Variants in ZNF618 observed in about 807,000 individuals in gnomAD.
ZNF618 encodes neural precursor cell expressed, developmentally down-regulated 10.
A neutral mutation model predicts 103.0 loss-of-function variants in ZNF618; 34 were observed. The observed-to-expected ratio is 0.33, with a 90% CI of 0.25 to 0.44. The LOEUF (loss-of-function observed/expected upper bound fraction) is 0.44. Among genes scored for constraint, ZNF618 ranks in the 20% least tolerant of loss-of-function variants. The pLI is 1.00. For missense variants in ZNF618, 1,059 were observed against 1,295.4 expected, an observed-to-expected ratio of 0.82 and a Z score of 2.80; for synonymous variants, 551 against 542.2, an observed-to-expected ratio of 1.02 and a Z score of -0.23.
intron 2 of ZNF618, among the ~76,000 whole-genome samples, chr9:113,980,850 C>T (rs2133118157): frequency 6.6e-6 from 1 of 152,290 alleles, no homozygotes; most frequent in African/African-American, 2.4e-5. Context: ...GAGAAGGGAC[C>T]ACTGGATTGA....
chr9:113,886,971 CT>C lies in ZNF618; in HGVS notation c.33+10586del, dbSNP rs57000343. Among the ~76,000 whole-genome samples the C allele has an allele frequency of 9.5e-3, 1,043 of 109,272 alleles. 9 individuals carry two copies. The highest frequency in any genetic ancestry group is 0.03 in the African/African-American group (842 of 27,744). 71.7% of individuals were successfully genotyped at this position (109,272 alleles called of 152,430 possible). A position where few individuals can be genotyped will look rare whatever the true frequency, so the allele number is the denominator to read the frequency against. On this transcript the variant is annotated intron_variant, in intron 1 of 14. Transcript: ENST00000374126. ...TTCATTGGTTTCTTTTTACTTTCTA[CT>C]TTTTTTTTTTTTTTTTTTTTTTTTT...
chr9:113,905,416 G>A (rs1830905360), intron 1 of ZNF618, among the ~76,000 whole-genome samples: 1 of 152,160 alleles, frequency 6.6e-6, no homozygotes, highest in African/African-American at 2.4e-5. Context: ...GCCAAATATG[G>A]GGCAAATCAG....
chr9:113,953,887 A>G (rs66526429), intron 1 of ZNF618, among the ~76,000 whole-genome samples: 24,367 of 152,168 alleles, frequency 0.16, 2,479 homozygotes, highest in Admixed American at 0.21. Context: ...ATGACTGAGT[A>G]TAGCAGCCAG....
chr9:114,047,860 C>T lies in ZNF618; in HGVS notation c.1247-33C>T, dbSNP rs201679983. ...GTTCCTCAACAGGCCTCTTACCCTT[C>T]CAGGTAACACACTGTCCCCTTTGTG... On this transcript the variant is annotated intron_variant, in intron 13 of 14. Coordinates refer to ENST00000374126, the MANE Select transcript of ZNF618 (RefSeq NM_001318042.2). The T allele has an allele frequency of 5.8e-5, 91 of 1,556,856 alleles. No homozygotes were observed. In the African/African-American group the frequency reaches 1.2e-3, roughly 20 times the overall value.
At chr9:113,970,618 G>C (rs886706029) in intron 2 of ZNF618, among the ~76,000 whole-genome samples, 1 of 151,918 alleles carries the variant, frequency 6.6e-6, no homozygotes, top group African/African-American at 2.4e-5. Flanking sequence ...TGCAACTGCT[G>C]TTCCCTGTGT....
chr9:113,928,566 G>A (rs1219435692), intron 1 of ZNF618, among the ~76,000 whole-genome samples: 1 of 152,174 alleles, frequency 6.6e-6, no homozygotes, highest in Non-Finnish European at 1.5e-5. Context: ...TGTTTATGTG[G>A]CTAGGAACTG....
chr9:114,049,786 G>T lies in ZNF618; in HGVS notation c.2484G>T (p.Lys828Asn). 1.2e-6 allele frequency: 2 copies of T among 1,614,026 alleles called. No individual in the cohort carries two copies. Among genetic ancestry groups the T allele is most frequent in the Non-Finnish European group, 1.7e-6 (2 of 1,179,910 alleles). ...ACCAGCACGAGGAGATCATCGGCAA[G>T]GTCTGTGAGCTCATCAACGAGGTGA... ...PPYQHEEIIG[K>N]VCELINEVKE... The change falls in exon 15 of 15, where the codon AAG (lysine) becomes AAT (asparagine). Residue 828 changes from lysine to asparagine, a missense_variant. This residue lies in a region of ZNF618 where 156 missense variants were observed against 197.1 expected (regional missense o/e 0.79). Coordinates refer to ENST00000374126, the MANE Select transcript of ZNF618 (RefSeq NM_001318042.2).
At chr9:113,977,943 G>T (rs371639619) in intron 2 of ZNF618, among the ~76,000 whole-genome samples, 1 of 152,096 alleles carries the variant, frequency 6.6e-6, no homozygotes, top group African/African-American at 2.4e-5. Flanking sequence ...ATTACCTAAC[G>T]TTGTGGCTGA....
chr9:113,909,372 C>T (rs1351370479), intron 1 of ZNF618, among the ~76,000 whole-genome samples: 6 of 152,058 alleles, frequency 3.9e-5, no homozygotes, highest in Admixed American at 3.9e-4. Flanking sequence ...ACTTTGACCA[C>T]AGATGTGGAT....
intron 1 of ZNF618, among the ~76,000 whole-genome samples, chr9:113,947,769 A>G (rs141207231): frequency 2.0e-5 from 3 of 152,306 alleles, no homozygotes; most frequent in Non-Finnish European, 4.4e-5. Flanking sequence ...GAAAGCAGCC[A>G]ATAAGAGTCT....
At chr9:114,040,608 G>A (rs1845071531) in intron 13 of ZNF618, among the ~76,000 whole-genome samples, 1 of 152,120 alleles carries the variant, frequency 6.6e-6, no homozygotes, top group Admixed American at 6.5e-5. Context: ...GTGATAGTTT[G>A]CTGAGAATGA....
intron 9 of ZNF618, among the ~76,000 whole-genome samples, chr9:114,010,209 G>C (rs2133841133): frequency 6.6e-6 from 1 of 151,846 alleles, no homozygotes; most frequent in Admixed American, 6.6e-5. Flanking sequence ...GCTGAGGCAG[G>C]AGAATCACTT....
chr9:114,048,357 GA>G (rs1210770548), intron 14 of ZNF618, among the ~76,000 whole-genome samples: 1 of 152,176 alleles, frequency 6.6e-6, no homozygotes, highest in Non-Finnish European at 1.5e-5. Flanking sequence ...TATTGAGGAA[GA>G]AATTAGACTA....
At chr9:114,045,591 G>T (rs1426066258) in intron 13 of ZNF618, among the ~76,000 whole-genome samples, 1 of 151,832 alleles carries the variant, frequency 6.6e-6, no homozygotes, top group Admixed American at 6.6e-5. Flanking sequence ...TCCGTCCTGT[G>T]CCAGTATTAC....
At chr9:114,007,474 A>G in intron 7 of ZNF618, 35 bp downstream of exon 7, 1 of 1,601,504 alleles carries the variant, frequency 6.2e-7, no homozygotes, top group Non-Finnish European at 8.5e-7. Flanking sequence ...GAGTCATGCC[A>G]AGAGGCGCCC....
chr9:113,902,781 T>C (rs984411567), intron 1 of ZNF618, among the ~76,000 whole-genome samples: 1 of 152,170 alleles, frequency 6.6e-6, no homozygotes, highest in African/African-American at 2.4e-5. Flanking sequence ...CCAGTCCCCT[T>C]TCTGATGGGT....
At chr9:113,971,067 A>C (rs1837917151) in intron 2 of ZNF618, among the ~76,000 whole-genome samples, 1 of 150,768 alleles carries the variant, frequency 6.6e-6, no homozygotes, top group Admixed American at 6.6e-5. Context: ...GGGGTGACCC[A>C]AGTAGCCAGC....
chr9:113,960,450 G>C (rs1222186530), intron 1 of ZNF618, among the ~76,000 whole-genome samples: 1 of 152,226 alleles, frequency 6.6e-6, no homozygotes, highest in Admixed American at 6.5e-5. Flanking sequence ...ATTAGGGTCT[G>C]GATCCAATCT....
chr9:113,952,520 G>A (rs551246746), intron 1 of ZNF618, among the ~76,000 whole-genome samples: 21 of 152,312 alleles, frequency 1.4e-4, no homozygotes, highest in African/African-American at 4.8e-4. Context: ...ACTCCTCATA[G>A]TCCTCTCATT....
Sources: gnomAD v4.1 joint callset for allele counts (sites outside exome capture counted in the v4.1 genomes callset) on GRCh38, gnomAD v4.1.1 for gene constraint, gnomAD v4.1.1 regional missense constraint, MANE v1.5 for transcripts, NCBI Gene and HGNC (gene_info 2026-07-23, HGNC 2026-07-21) for gene names.